WDR27: variants seen among roughly 807,000 people sequenced by gnomAD.
WDR27 encodes the protein WD repeat-containing protein 27.
Under a neutral mutation model 114.4 loss-of-function variants are expected in WDR27, and 100 were observed. The ratio of observed to expected loss-of-function variants is 0.87; its 90% CI spans 0.74 to 1.03. The LOEUF is 1.03. Ranked by LOEUF, WDR27 falls within the 50% of genes least tolerant of loss-of-function variation. The probability of loss-of-function intolerance (pLI) is 0.00; values close to 1 mark genes in which losing one functional copy is unlikely to be tolerated. For missense variants in WDR27, 1,129 were observed against 1,092.9 expected, an observed-to-expected ratio of 1.03 and a Z score of -0.47; for synonymous variants, 449 against 423.1, an observed-to-expected ratio of 1.06 and a Z score of -0.75.
intron 13 of WDR27, among the ~76,000 whole-genome samples, chr6:169,652,376 G>A (rs377030286): frequency 2.6e-4 from 40 of 152,214 alleles, no homozygotes; most frequent in African/African-American, 9.4e-4. Flanking sequence ...AGCCTCCTAA[G>A]TAGCTGGGAT....
intron 2 of WDR27, among the ~76,000 whole-genome samples, chr6:169,683,252 T>C (rs1451647069): frequency 6.6e-6 from 1 of 152,134 alleles, no homozygotes; most frequent in Non-Finnish European, 1.5e-5. Context: ...CCCAAAGATA[T>C]ATTATAATCA....
At chr6:169,641,872 C>T (rs1027719522) in intron 17 of WDR27, among the ~76,000 whole-genome samples, 1 of 152,270 alleles carries the variant, frequency 6.6e-6, no homozygotes, top group African/African-American at 2.4e-5. Flanking sequence ...CCGCGCAGCG[C>T]GCTCAGAAGC....
intron 25 of WDR27, among the ~76,000 whole-genome samples, chr6:169,555,141 A>G (rs1373096126): frequency 2.6e-5 from 4 of 152,192 alleles, no homozygotes; most frequent in Admixed American, 6.5e-5. Flanking sequence ...CACAGGATAT[A>G]TAAGTTGACG....
intron 25 of WDR27, among the ~76,000 whole-genome samples, chr6:169,516,415 C>T (rs1793644580): frequency 6.6e-6 from 1 of 152,126 alleles, no homozygotes; most frequent in Non-Finnish European, 1.5e-5. Flanking sequence ...GGAAGACTGG[C>T]TTAAAAGGCT....
intron 21 of WDR27, among the ~76,000 whole-genome samples, chr6:169,631,565 C>T (rs1816379103): frequency 1.3e-5 from 2 of 152,146 alleles, no homozygotes; most frequent in Non-Finnish European, 2.9e-5. Context: ...CCCAGGCGTC[C>T]TCCTGGACTC....
At position 169,663,789 on chromosome 6, in the gene WDR27, G is replaced by T. The variant is rs1827021105; in HGVS notation, c.904+377C>A. ...GTCTAAGATTCACAGGCCAGGTGGGGACGTGGAGGGTGCTGGGTAGGTGCA... is the reference window on the plus strand; with the variant it reads ...GTCTAAGATTCACAGGCCAGGTGGGTACGTGGAGGGTGCTGGGTAGGTGCA... On this transcript the variant is annotated intron_variant, in intron 8 of 25. Transcript: ENST00000448612. 4 of 205,406 alleles carry T rather than the reference G, an allele frequency of 1.9e-5. No individual in the cohort carries two copies. In the South Asian group the frequency reaches 4.5e-4, roughly 23 times the overall value. 12.7% of individuals were successfully genotyped at this position (205,406 alleles called of 1,614,324 possible). A position where few individuals can be genotyped will look rare whatever the true frequency, so the allele number is the denominator to read the frequency against.
intron 25 of WDR27, among the ~76,000 whole-genome samples, chr6:169,504,232 A>C (rs1308726467): frequency 6.6e-6 from 1 of 152,220 alleles, no homozygotes; most frequent in Non-Finnish European, 1.5e-5. Flanking sequence ...TAAGATACAT[A>C]GTAGACTTCT....
At chr6:169,688,384 C>T (rs532852106) in intron 2 of WDR27, among the ~76,000 whole-genome samples, 2 of 152,104 alleles carry the variant, frequency 1.3e-5, no homozygotes, top group South Asian at 2.1e-4. Flanking sequence ...TGGGCATTGA[C>T]GGAGAAAAGG....
rs1433778703 is a variant in WDR27 at position 169,580,940 on chromosome 6, TATATATATATATAC to T, written c.2523+1882_2523+1895del. Among the ~76,000 whole-genome samples, 5 of 71,792 alleles carry T rather than the reference TATATATATATATAC, an allele frequency of 7.0e-5. No homozygotes were observed. The South Asian group carries it at 3.1e-3, about 45-fold the overall frequency. The allele number at this position is 71,792 out of a possible 152,430, so 47.1% of individuals were successfully genotyped here. On this transcript the variant is annotated intron_variant, in intron 24 of 25. Transcript: ENST00000448612. ...TAAGGAACTTAGTGAATTTTATATATATATATATATATACATATATATATATATAAATTCGGTAT... is the reference window on the plus strand; with the variant it reads ...TAAGGAACTTAGTGAATTTTATATATATATATATATATATAAATTCGGTAT...
intron 9 of WDR27, among the ~76,000 whole-genome samples, chr6:169,661,319 G>C (rs1468695138): frequency 6.6e-6 from 1 of 152,228 alleles, no homozygotes; most frequent in Non-Finnish European, 1.5e-5. Flanking sequence ...CCACCTCTGT[G>C]AATAAGGAAC....
intron 14 of WDR27, among the ~76,000 whole-genome samples, chr6:169,649,921 T>C (rs1284596319): frequency 7.7e-6 from 1 of 129,518 alleles, no homozygotes; most frequent in Non-Finnish European, 1.6e-5. Context: ...CAGCCACCCA[T>C]GCAGCCATCC....
chr6:169,586,847 CAAAAAAAAAAAAA>C lies in WDR27; in HGVS notation c.2425-3926_2425-3914del, dbSNP rs3029697. On this transcript the variant is annotated intron_variant, in intron 23 of 25. Transcript: ENST00000448612. ...CTGGCGACACAGCTAGACTCTGTCT[CAAAAAAAAAAAAA>C]AAAAAAAAAAAAAAGGCAGTCGCTT... 5.8e-3 allele frequency among the ~76,000 whole-genome samples: 186 copies of C among 32,062 alleles called. 9 individuals carry two copies. The East Asian group carries it at 0.097, about 17-fold the overall frequency. 21.0% of individuals were successfully genotyped at this position (32,062 alleles called of 152,430 possible). A position where few individuals can be genotyped will look rare whatever the true frequency, so the allele number is the denominator to read the frequency against.
intron 25 of WDR27, among the ~76,000 whole-genome samples, chr6:169,520,543 A>AC (rs1399324774): frequency 6.6e-6 from 1 of 152,164 alleles, no homozygotes; most frequent in Non-Finnish European, 1.5e-5. Flanking sequence ...CCTCAAACAT[A>AC]CAAAGCTGGG....
At position 169,688,900 on chromosome 6, in the gene WDR27, G is replaced by A; in HGVS notation, c.106C>T (p.Leu36Phe). ...ESKESVSHVQ[L>F]ACSMQDCAFP... ...GCACAGTCCTGCATGCTGCAAGCAA[G>A]CTGAACATGAGACACAGACTCCTTG... Residue 36 changes from leucine to phenylalanine, a missense_variant, in exon 2 of 26, where the codon CTT becomes TTT. Physicochemically the swap from Leu to Phe is conservative, Grantham distance 22. Coordinates refer to ENST00000448612, the MANE Select transcript of WDR27 (RefSeq NM_182552.5). The A allele has an allele frequency of 1.2e-6, 2 of 1,613,962 alleles. No homozygotes were observed. The highest frequency in any genetic ancestry group is 1.6e-4 in the Middle Eastern group (1 of 6,062).
chr6:169,685,861 C>A (rs919378907), intron 2 of WDR27, among the ~76,000 whole-genome samples: 2 of 152,086 alleles, frequency 1.3e-5, no homozygotes, highest in Non-Finnish European at 2.9e-5. Context: ...GCTCGAATAA[C>A]CAAATAGTTT....
At position 169,668,150 on chromosome 6, in the gene WDR27, A is replaced by C. The variant is rs1475115430; in HGVS notation, c.492T>G (p.Asp164Glu). 1 of 1,613,926 alleles carries C rather than the reference A, an allele frequency of 6.2e-7. No individual in the cohort carries two copies. Among genetic ancestry groups the C allele is most frequent in the African/African-American group, 1.3e-5 (1 of 74,950 alleles). The change falls in exon 5 of 26, where the codon GAT becomes GAG. Residue 164 changes from aspartate (D) to glutamate (E), a missense_variant. Coordinates refer to ENST00000448612, the MANE Select transcript of WDR27 (RefSeq NM_182552.5). ...GTGGGACTTTGTGGCGGTTATTAAC[A>C]TCAGGACGTTCTATGTATGTCACAG... ...RFSVTYIERP[D>E]VNNRHKVPPP...
At chr6:169,686,430 T>G (rs1468654892) in intron 2 of WDR27, among the ~76,000 whole-genome samples, 1 of 152,100 alleles carries the variant, frequency 6.6e-6, no homozygotes, top group Non-Finnish European at 1.5e-5. Flanking sequence ...TAACCCTGAA[T>G]GTAAATAAAT....
chr6:169,452,949 A>G (rs1479118707), downstream of WDR27, among the ~76,000 whole-genome samples: 2 of 152,182 alleles, frequency 1.3e-5, no homozygotes, highest in African/African-American at 2.4e-5. Flanking sequence ...CTGTGACCTC[A>G]GCTGCCGTGC....
intron 25 of WDR27, among the ~76,000 whole-genome samples, chr6:169,568,879 TGTG>T (rs1800913613): frequency 1.3e-5 from 2 of 152,216 alleles, no homozygotes; most frequent in Non-Finnish European, 2.9e-5. Context: ...CCCTCACCCC[TGTG>T]CAACTTCTCT....
Sources: allele counts gnomAD v4.1 joint callset (sites outside exome capture counted in the v4.1 genomes callset), GRCh38; gene constraint gnomAD v4.1.1; transcripts MANE v1.5; gene names NCBI Gene and HGNC (gene_info 2026-07-23, HGNC 2026-07-21).